Variants in NT5M observed in about 807,000 individuals in gnomAD.
The protein encoded by NT5M is 5',3'-nucleotidase, mitochondrial, also known as 5'(3')-deoxyribonucleotidase, mitochondrial.
NT5M carries 22 observed loss-of-function variants against 22.2 expected under a neutral mutation model. That is an observed-to-expected ratio of 0.99 (90% CI 0.71 to 1.41). The LOEUF (loss-of-function observed/expected upper bound fraction) is 1.41, where lower values mean the gene tolerates loss of function less well. Ranked by LOEUF, NT5M falls within the 40% of genes most tolerant of loss-of-function variation. NT5M has a pLI of 0.00. For missense variants in NT5M, 322 were observed against 314.8 expected, an observed-to-expected ratio of 1.02 and a Z score of -0.17; for synonymous variants, 167 against 133.0, an observed-to-expected ratio of 1.26 and a Z score of -1.76.
At chr17:17,320,709 C>G (rs2049133287) in intron 2 of NT5M, among the ~76,000 whole-genome samples, 2 of 152,130 alleles carry the variant, frequency 1.3e-5, no homozygotes, top group African/African-American at 2.4e-5. Flanking sequence ...GGAGTGCAGG[C>G]TGAGAGCCCC....
At chr17:17,310,492 T>C (rs181175088) in intron 2 of NT5M, among the ~76,000 whole-genome samples, 1 of 152,186 alleles carries the variant, frequency 6.6e-6, no homozygotes, top group East Asian at 1.9e-4. Context: ...CAACAAAGGA[T>C]TGAATGAACA....
At chr17:17,345,335 C>T in intron 4 of NT5M, 1 of 948,534 alleles carries the variant, frequency 1.1e-6, no homozygotes. Flanking sequence ...AGAAGACCCC[C>T]CTCCCCAAAA....
Position 17,303,610 on chromosome 17 carries a change from G to T in NT5M, c.60G>T (p.Gly20=). 6.4e-6 allele frequency: 8 copies of T among 1,252,898 alleles called. No individual in the cohort carries two copies. Among genetic ancestry groups the T allele is most frequent in the Non-Finnish European group, 8.1e-6 (8 of 993,604 alleles). 77.6% of individuals were successfully genotyped at this position (1,252,898 alleles called of 1,614,324 possible). Residue 20 remains glycine (G), a synonymous_variant, in exon 1 of 5, where the codon GGG becomes GGT. Coordinates refer to ENST00000389022, the MANE Select transcript of NT5M (RefSeq NM_020201.4). ...TCTGCAGCGCGGCGGTTCCCGCGGG[G>T]CGGCGCGGGGCGGCGGGCGGGCTGG... ...RRLCSAAVPA[G]RRGAAGGLGL... is the part of the protein sequence containing the mutation.
At chr17:17,318,667 C>G (rs1318675684) in intron 2 of NT5M, among the ~76,000 whole-genome samples, 1 of 150,846 alleles carries the variant, frequency 6.6e-6, no homozygotes, top group Non-Finnish European at 1.5e-5. Flanking sequence ...TACCTGTAAT[C>G]CCAGCTCCTC....
At chr17:17,321,786 CT>C (rs2049156967) in intron 2 of NT5M, among the ~76,000 whole-genome samples, 2 of 151,788 alleles carry the variant, frequency 1.3e-5, no homozygotes, top group African/African-American at 4.8e-5. Flanking sequence ...GCAGCGAAGG[CT>C]GGGCCCCAGC....
At chr17:17,322,624 C>A (rs980452750) in intron 2 of NT5M, among the ~76,000 whole-genome samples, 1 of 152,200 alleles carries the variant, frequency 6.6e-6, no homozygotes, top group Non-Finnish European at 1.5e-5. Context: ...GTAGCGAACG[C>A]CAGCCTCATG....
chr17:17,306,782 T>A, intron 2 of NT5M, 139 bp downstream of exon 2: 1 of 648,644 alleles, frequency 1.5e-6, no homozygotes, highest in Non-Finnish European at 2.7e-6. Context: ...GCCTCGTCAT[T>A]GCTGAGCCTG....
chr17:17,318,843 T>G (rs1034241409), intron 2 of NT5M, among the ~76,000 whole-genome samples: 1 of 138,764 alleles, frequency 7.2e-6, no homozygotes, highest in Non-Finnish European at 1.5e-5. Context: ...GCAACATGAA[T>G]GAACCTTGAA....
At chr17:17,344,966 T>C (rs746744662) in intron 4 of NT5M, 58 bp downstream of exon 4, 1 of 1,608,100 alleles carries the variant, frequency 6.2e-7, no homozygotes, top group Non-Finnish European at 8.5e-7. Flanking sequence ...TTGGCCCCCT[T>C]CTCCTGGGCA....
At chr17:17,344,710 T>A (rs1005942811) in intron 3 of NT5M, 84 bp from the exon 4 acceptor site, 21 of 1,533,524 alleles carry the variant, frequency 1.4e-5, no homozygotes, top group Non-Finnish European at 1.9e-5. Flanking sequence ...AGGTCTAGGC[T>A]GACCCCTGCC....
At chr17:17,309,126 T>C (rs2048871118) in intron 2 of NT5M, among the ~76,000 whole-genome samples, 1 of 142,140 alleles carries the variant, frequency 7.0e-6, no homozygotes, top group Non-Finnish European at 1.5e-5. Context: ...TTTCTTTCTT[T>C]CTTTTTTTTT....
At chr17:17,339,590 A>G (rs1217316896) in intron 3 of NT5M, among the ~76,000 whole-genome samples, 4 of 152,126 alleles carry the variant, frequency 2.6e-5, no homozygotes, top group African/African-American at 9.7e-5. Context: ...CCCATTCAGT[A>G]TGATACTAGC....
chr17:17,334,351 T>C (rs923312150), intron 3 of NT5M, among the ~76,000 whole-genome samples: 1 of 151,514 alleles, frequency 6.6e-6, no homozygotes, highest in Non-Finnish European at 1.5e-5. Context: ...GTTGTGCCTC[T>C]GTTGGAAAGG....
chr17:17,338,126 A>G (rs143948053), intron 3 of NT5M, among the ~76,000 whole-genome samples: 1 of 150,944 alleles, frequency 6.6e-6, no homozygotes, highest in East Asian at 1.9e-4. Context: ...TCCCCAATAT[A>G]TGTTCTTGGC....
Position 17,328,866 on chromosome 17 carries a change from G to A in NT5M, c.429+5621G>A, listed in dbSNP as rs1398508481. Among the ~76,000 whole-genome samples, 8 of 152,188 alleles carry A rather than the reference G, an allele frequency of 5.3e-5. No homozygotes were observed. In the South Asian group the frequency reaches 1.7e-3, roughly 32 times the overall value. On this transcript the variant is annotated intron_variant, in intron 3 of 4. Transcript: ENST00000389022. The stretch of plus-strand genomic sequence containing the variant: ...AAGGTTTCCCAACATTCTAAACCCA[G>A]ATTGCTCGGTAATAGTTAACAATAG...
Position 17,346,866 on chromosome 17 carries a change from G to T in NT5M, c.606G>T (p.Leu202=). The change falls in exon 5 of 5, where the codon CTG becomes CTT. Residue 202 remains leucine (L), a synonymous_variant. Coordinates refer to ENST00000389022, the MANE Select transcript of NT5M (RefSeq NM_020201.4). Reference sequence around the variant, plus strand: ...TCACCGCCTGCCACAACCAGCACCTGCAGCTGCAGCCCCCCCGCCGCAGGC... The same window carrying T: ...TCACCGCCTGCCACAACCAGCACCTTCAGCTGCAGCCCCCCCGCCGCAGGC... ...VLFTACHNQH[L]QLQPPRRRLH... The T allele has an allele frequency of 1.2e-6, 2 of 1,608,568 alleles. No homozygotes were observed.
At chr17:17,342,807 C>A (rs1352496458) in intron 3 of NT5M, among the ~76,000 whole-genome samples, 1 of 152,176 alleles carries the variant, frequency 6.6e-6, no homozygotes, top group Non-Finnish European at 1.5e-5. Context: ...ACTGCAGAGC[C>A]CTTGCCCCCT....
chr17:17,347,515 G>A lies in NT5M; in HGVS notation c.*568G>A, dbSNP rs2049784541. On this transcript the variant is annotated 3_prime_UTR_variant, in exon 5 of 5. Transcript: ENST00000389022. ...ACAGCGGCCACCAGGCTCTGTGCTG[G>A]GGGACGATACTGGCCCTGGCCTCGA... 6.4e-6 allele frequency: 1 copy of A among 156,302 alleles called. No homozygotes were observed. Among genetic ancestry groups the A allele is most frequent in the African/African-American group, 2.4e-5 (1 of 41,486 alleles). 9.7% of individuals were successfully genotyped at this position (156,302 alleles called of 1,614,324 possible). A position where few individuals can be genotyped will look rare whatever the true frequency, so the allele number is the denominator to read the frequency against.
intron 1 of NT5M, among the ~76,000 whole-genome samples, chr17:17,305,304 C>A (rs2048771604): frequency 1.3e-5 from 2 of 151,624 alleles, no homozygotes; most frequent in Non-Finnish European, 2.9e-5. Context: ...CTGCTGGCTT[C>A]CACTACTTCC....
Sources: gnomAD v4.1 joint callset for allele counts (sites outside exome capture counted in the v4.1 genomes callset) on GRCh38, gnomAD v4.1.1 for gene constraint, MANE v1.5 for transcripts, NCBI Gene and HGNC (gene_info 2026-07-23, HGNC 2026-07-21) for gene names.